PLCL2: variants seen among roughly 807,000 people sequenced by gnomAD.
PLCL2 encodes the protein phospholipase C like 2, also known as inactive phospholipase C-like protein 2.
PLCL2 carries 4 observed loss-of-function variants against 79.6 expected under a neutral mutation model. That is an observed-to-expected ratio of 0.05 (90% CI 0.02 to 0.11). PLCL2 has a LOEUF of 0.11. Ranked by LOEUF, PLCL2 falls within the 10% of genes least tolerant of loss-of-function variation. PLCL2 has a pLI of 1.00. For missense variants in PLCL2, 895 were observed against 1,291.0 expected (o/e 0.69, Z 4.70); for synonymous variants, 484 against 457.7 (o/e 1.06, Z -0.73).
chr3:17,047,309 C>T (rs535454928), intron 4 of PLCL2, among the ~76,000 whole-genome samples: 3 of 152,350 alleles, frequency 2.0e-5, no homozygotes, highest in East Asian at 1.9e-4. Flanking sequence ...CCGCATAGGA[C>T]ACCTGCTGGC....
In PLCL2 at chr3:16,993,280, T is replaced by C. The variant is rs144402071; in HGVS notation, c.328-16394T>C. ...TTCACTCTTTTTAACTGTCCCACTT[T>C]AGATGTCATTCTACCTTGGGTAATA... On this transcript the variant is annotated intron_variant, in intron 1 of 5. Coordinates refer to ENST00000615277, the MANE Select transcript of PLCL2 (RefSeq NM_001144382.2). 3.5e-3 allele frequency among the ~76,000 whole-genome samples: 528 copies of C among 152,334 alleles called. 3 individuals are homozygous for C. Among genetic ancestry groups the C allele is most frequent in the African/African-American group, 0.012 (483 of 41,574 alleles).
chr3:16,910,071 C>T (rs1454789138), intron 1 of PLCL2, among the ~76,000 whole-genome samples: 1 of 152,198 alleles, frequency 6.6e-6, no homozygotes, highest in African/African-American at 2.4e-5. Flanking sequence ...CAGCTCTCCC[C>T]ACCTCTCCTG....
chr3:16,891,293 C>A (rs1186013776), intron 1 of PLCL2, among the ~76,000 whole-genome samples: 1 of 152,184 alleles, frequency 6.6e-6, no homozygotes, highest in Non-Finnish European at 1.5e-5. Context: ...AAAACCTCCT[C>A]TCATAGCATT....
chr3:17,075,353 G>A (rs576381481), intron 5 of PLCL2, among the ~76,000 whole-genome samples: 64 of 152,114 alleles, frequency 4.2e-4, no homozygotes, highest in African/African-American at 1.5e-3. Context: ...ACTTTATGGT[G>A]CCCCAAAATA....
intron 1 of PLCL2, among the ~76,000 whole-genome samples, chr3:16,928,988 G>C (rs1206051669): frequency 6.6e-6 from 1 of 151,968 alleles, no homozygotes; most frequent in Non-Finnish European, 1.5e-5. Context: ...ATTTTCTCAA[G>C]GTTAGTTGTG....
intron 1 of PLCL2, among the ~76,000 whole-genome samples, chr3:16,925,954 G>C (rs901832067): frequency 1.3e-5 from 2 of 152,108 alleles, no homozygotes; most frequent in African/African-American, 4.8e-5. Context: ...CTGTGAGATT[G>C]TTTTCTAAAG....
In PLCL2 at chr3:17,011,830, C is replaced by T. The variant is rs267599682; in HGVS notation, c.2484C>T (p.Arg828=). ...ACCTGCCTGAACTGGCCATGGTGCG[C>T]TTTGTAGTGCTGGATGATGACTACA... ...QINLPELAMV[R]FVVLDDDYIG... The change falls in exon 2 of 6, where the codon CGC becomes CGT. Residue 828 remains arginine (R), a synonymous_variant. Transcript: ENST00000615277. This position sits in a 1 kb window ranked among gnomAD's most constrained non-coding sequence, Gnocchi z 7.9. 6 of 1,614,222 alleles carry T rather than the reference C, an allele frequency of 3.7e-6. No homozygotes were observed. In the Admixed American group the frequency reaches 8.3e-5, roughly 22 times the overall value.
chr3:16,922,046 T>A (rs1162520862), intron 1 of PLCL2, among the ~76,000 whole-genome samples: 1 of 152,206 alleles, frequency 6.6e-6, no homozygotes, highest in Non-Finnish European at 1.5e-5. Context: ...AAGCTATTTT[T>A]AATCTATGTC....
chr3:17,065,921 G>A lies in PLCL2; in HGVS notation c.3095-2035G>A, dbSNP rs544418981. ...TTCTGCAAGCCTCAGTGATACTTAT[G>A]AGAATATGGTACCTCCTGACTGCCA... is the stretch of plus-strand genomic sequence containing the variant. On this transcript the variant is annotated intron_variant, in intron 4 of 5. Coordinates refer to ENST00000615277, the MANE Select transcript of PLCL2 (RefSeq NM_001144382.2). Among the ~76,000 whole-genome samples, 28 of 152,248 alleles carry A rather than the reference G, an allele frequency of 1.8e-4. No homozygotes were observed. The South Asian group carries it at 5.6e-3, about 30-fold the overall frequency.
At chr3:17,066,155 C>T (rs1017574336) in intron 4 of PLCL2, among the ~76,000 whole-genome samples, 5 of 151,994 alleles carry the variant, frequency 3.3e-5, no homozygotes, top group Non-Finnish European at 5.9e-5. Flanking sequence ...GGGGCTTATT[C>T]GGTTAACCAA....
chr3:17,084,287 A>T (rs1322685734), intron 5 of PLCL2, among the ~76,000 whole-genome samples: 2 of 152,238 alleles, frequency 1.3e-5, no homozygotes, highest in African/African-American at 2.4e-5. Context: ...AAATCAAATC[A>T]ATAATTAATA....
chr3:16,975,426 T>C (rs1386637599), intron 1 of PLCL2, among the ~76,000 whole-genome samples: 1 of 152,234 alleles, frequency 6.6e-6, no homozygotes, highest in Non-Finnish European at 1.5e-5. Flanking sequence ...TAGAGCATAA[T>C]AGCAGCTTAT....
chr3:17,065,388 G>T (rs2064999840), intron 4 of PLCL2, among the ~76,000 whole-genome samples: 1 of 152,112 alleles, frequency 6.6e-6, no homozygotes, highest in Non-Finnish European at 1.5e-5. Context: ...AACAGCCTCT[G>T]GCCCTAGACT....
chr3:16,885,179 C>A lies in PLCL2; in HGVS notation c.140C>A (p.Ala47Glu). 1 of 568,384 alleles carries A rather than the reference C, an allele frequency of 1.8e-6. No individual in the cohort carries two copies. The highest frequency in any genetic ancestry group is 3.5e-5 in the East Asian group (1 of 28,964). The allele number at this position is 568,384 out of a possible 1,614,324, so 35.2% of individuals were successfully genotyped here. A position where few individuals can be genotyped will look rare whatever the true frequency, so the allele number is the denominator to read the frequency against. The change falls in exon 1 of 6, where the codon GCG becomes GAG. Residue 47 changes from alanine to glutamate, a missense_variant. Physicochemically the swap from Ala to Glu is moderately radical, Grantham distance 107. This residue lies in a region of PLCL2 where 110 missense variants were observed against 42.9 expected (regional missense o/e 2.56). Transcript: ENST00000615277. ...GGAGGTCGCCTCGGCCACGGGCGGG[C>A]GCGCTATGACAGCGGCGGGGTTTCC... Reference protein sequence around the residue: ...GGGGRLGHGRARYDSGGVSNG... With the variant: ...GGGGRLGHGRERYDSGGVSNG...
chr3:16,920,545 C>T (rs909382728), intron 1 of PLCL2, among the ~76,000 whole-genome samples: 6 of 151,912 alleles, frequency 3.9e-5, no homozygotes, highest in Non-Finnish European at 5.9e-5. Flanking sequence ...TAAATTAGGG[C>T]GAGAGATAAC....
intron 1 of PLCL2, among the ~76,000 whole-genome samples, chr3:16,942,988 T>C (rs1401459002): frequency 3.9e-5 from 6 of 152,228 alleles, no homozygotes; most frequent in African/African-American, 1.4e-4. Flanking sequence ...TTGTTTGTTG[T>C]CCAGCTAGAT....
intron 1 of PLCL2, among the ~76,000 whole-genome samples, chr3:16,957,972 CTCTT>C (rs1442713181): frequency 4.6e-5 from 7 of 152,170 alleles, no homozygotes; most frequent in Admixed American, 4.6e-4. Context: ...TGGGTCTTGA[CTCTT>C]TATCCAATTT....
intron 3 of PLCL2, among the ~76,000 whole-genome samples, chr3:17,039,782 G>A (rs770285794): frequency 2.6e-5 from 4 of 152,112 alleles, no homozygotes; most frequent in Admixed American, 6.5e-5. Context: ...TAGGAGGAAT[G>A]GCTTCTCACT....
At position 16,982,800 on chromosome 3, in the gene PLCL2, GA is replaced by G. The variant is rs769935137; in HGVS notation, c.328-26865del. ...GTATTTTCTTATTTGAAAAATAAAG[GA>G]AAAAAAAAGCTATATTCTTAGTTGT... is the stretch of plus-strand genomic sequence containing the variant. On this transcript the variant is annotated intron_variant, in intron 1 of 5. Transcript: ENST00000615277. 6.8e-4 allele frequency among the ~76,000 whole-genome samples: 101 copies of G among 149,020 alleles called. 1 individual carries two copies. The highest frequency in any genetic ancestry group is 2.8e-3 in the Admixed American group (42 of 15,024).
Sources: gnomAD v4.1 joint callset for allele counts (sites outside exome capture counted in the v4.1 genomes callset) on GRCh38, gnomAD v4.1.1 for gene constraint, gnomAD v4.1.1 regional missense constraint, Gnocchi (gnomAD v3.1) non-coding constraint, MANE v1.5 for transcripts, NCBI Gene and HGNC (gene_info 2026-07-23, HGNC 2026-07-21) for gene names.